The following FANCA variants were observed in gnomAD, a reference collection of about 807,000 sequenced individuals.
FANCA encodes the protein Fanconi anemia group A protein.
In FANCA, 236 loss-of-function variants were observed where a neutral mutation model predicts 194.3. The ratio of observed to expected loss-of-function variants is 1.21; its 90% confidence interval spans 1.09 to 1.35. The LOEUF (loss-of-function observed/expected upper bound fraction) is 1.35, where lower values mean the gene tolerates loss of function less well. Ranked by LOEUF, FANCA falls within the 40% of genes most tolerant of loss-of-function variation. The pLI is 0.00. For missense variants in FANCA, 2,628 were observed against 1,813.9 expected, an observed-to-expected ratio of 1.45 and a Z score of -8.15; for synonymous variants, 1,014 against 715.8, an observed-to-expected ratio of 1.42 and a Z score of -6.65.
intron 26 of FANCA, among the ~76,000 whole-genome samples, chr16:89,769,295 G>A (rs1340499329): frequency 3.3e-5 from 5 of 152,236 alleles, no homozygotes; most frequent in Admixed American, 3.3e-4. Flanking sequence ...CCTCTGAGTG[G>A]CAGCTGAAGG....
At chr16:89,792,173 C>A (rs2040098858) in intron 12 of FANCA, 105 bp from the exon 13 acceptor site, 2 of 1,338,182 alleles carry the variant, frequency 1.5e-6, no homozygotes, top group Non-Finnish European at 2.1e-6. Context: ...CCCCTCACTT[C>A]CCACTGCAAA....
chr16:89,781,237 GCCTGTAGTCCCA>G (rs2039689784), intron 17 of FANCA, among the ~76,000 whole-genome samples: 1 of 151,078 alleles, frequency 6.6e-6, no homozygotes, highest in Non-Finnish European at 1.5e-5. Flanking sequence ...GGTGGCGGGT[GCCTGTAGTCCCA>G]GCTACTCGGG....
At chr16:89,771,956 C>A in intron 22 of FANCA, 142 bp from the exon 23 acceptor site, 1 of 1,009,948 alleles carries the variant, frequency 9.9e-7, no homozygotes, top group South Asian at 1.4e-5. Context: ...GTGCTGAACA[C>A]CAGTGTTTGT....
At chr16:89,779,360 C>T (rs1474762496) in intron 18 of FANCA, among the ~76,000 whole-genome samples, 1 of 152,116 alleles carries the variant, frequency 6.6e-6, no homozygotes, top group Non-Finnish European at 1.5e-5. Context: ...GTGTAACCAC[C>T]AGAATTCAAG....
At chr16:89,810,482 C>T (rs1165760747) in intron 5 of FANCA, 1 of 545,562 alleles carries the variant, frequency 1.8e-6, no homozygotes, top group Non-Finnish European at 3.3e-6. Flanking sequence ...ATATTCTAGT[C>T]TAATAAATAT....
In FANCA at chr16:89,796,001, C is replaced by A. The variant is rs745451374; in HGVS notation, c.911G>T (p.Gly304Val). 2 of 1,613,946 alleles carry A rather than the reference C, an allele frequency of 1.2e-6. No homozygotes were observed. The highest frequency in any genetic ancestry group is 1.7e-6 in the Non-Finnish European group (2 of 1,179,832). The change falls in exon 11 of 43, where the codon GGA (glycine) becomes GTA (valine). Residue 304 changes from glycine to valine, a missense_variant. Coordinates refer to ENST00000389301, the MANE Select transcript of FANCA (RefSeq NM_000135.4). ...IVRCWFGVFSGHTLGSVISTD... is the reference protein window; with the variant it reads ...IVRCWFGVFSVHTLGSVISTD... The stretch of plus-strand genomic sequence containing the variant: ...GGAAATTACACTGCCAAGCGTGTGT[C>A]CACTGAACACTCCGAACCTGCCAAT...
chr16:89,748,624 C>T (rs781356893), intron 33 of FANCA, 35 bp downstream of exon 33: 7 of 1,522,984 alleles, frequency 4.6e-6, no homozygotes, highest in South Asian at 1.1e-5. Context: ...CAGGCACTGA[C>T]AGATCGGACG....
chr16:89,775,772 C>G lies in FANCA; in HGVS notation c.1870G>C (p.Ala624Pro). 1.2e-6 allele frequency: 2 copies of G among 1,612,854 alleles called. No individual in the cohort carries two copies. The highest frequency in any genetic ancestry group is 1.7e-6 in the Non-Finnish European group (2 of 1,179,448). ...PPSLYSTYCQ[A>P]CSAAEEKPED... ...GGCTTCTCTTCAGCAGCAGAGCAGGCCTGGCAGTAGGTGGAGTACAGAGAT... is the reference window on the plus strand; with the variant it reads ...GGCTTCTCTTCAGCAGCAGAGCAGGGCTGGCAGTAGGTGGAGTACAGAGAT... The change falls in exon 21 of 43, where the codon GCC becomes CCC. Residue 624 changes from alanine to proline, a missense_variant. Physicochemically the swap from Ala to Pro is conservative, Grantham distance 27. Transcript: ENST00000389301.
chr16:89,754,435 T>C (rs1294240897), intron 30 of FANCA, among the ~76,000 whole-genome samples: 10 of 152,104 alleles, frequency 6.6e-5, no homozygotes, highest in Admixed American at 6.5e-4. Flanking sequence ...TGCAGTGGCA[T>C]GATCTCAACT....
chr16:89,795,800 A>C, intron 11 of FANCA, 106 bp downstream of exon 11: 3 of 809,302 alleles, frequency 3.7e-6, no homozygotes, highest in Non-Finnish European at 6.6e-6. Flanking sequence ...CAGACGTAAA[A>C]GAGGTCCTAG....
chr16:89,776,521 G>A (rs550925220), intron 20 of FANCA, among the ~76,000 whole-genome samples: 1 of 151,530 alleles, frequency 6.6e-6, no homozygotes, highest in Non-Finnish European at 1.5e-5. Flanking sequence ...CGTTTAGTTC[G>A]TGTCATTAAA....
intron 10 of FANCA, among the ~76,000 whole-genome samples, chr16:89,796,369 G>A (rs566443590): frequency 5.3e-5 from 8 of 152,248 alleles, no homozygotes; most frequent in African/African-American, 1.7e-4. Context: ...CCAACCCGAC[G>A]GGGCCTCAGC....
At position 89,795,946 on chromosome 16, in the gene FANCA, A is replaced by G. The variant is rs769308540; in HGVS notation, c.966T>C (p.His322=). 6.2e-7 allele frequency: 1 copy of G among 1,614,134 alleles called. No individual in the cohort carries two copies. Among genetic ancestry groups the G allele is most frequent in the Non-Finnish European group, 8.5e-7 (1 of 1,179,974 alleles). The stretch of plus-strand genomic sequence containing the variant: ...TGTGAGTGAGTATCTGAGTCAGGGT[A>G]TGACTGAAGAACCTCTTCAGAGGAT... The part of the protein sequence containing the change: ...STDPLKRFFS[H]TLTQILTHSP... Residue 322 remains histidine, a synonymous_variant, in exon 11 of 43, where the codon CAT becomes CAC. Transcript: ENST00000389301.
chr16:89,755,237 C>A (rs1363531072), intron 30 of FANCA, among the ~76,000 whole-genome samples: 4 of 149,612 alleles, frequency 2.7e-5, no homozygotes, highest in African/African-American at 4.9e-5. Flanking sequence ...TTGAGACAGT[C>A]TCTCACTCTG....
At chr16:89,810,029 A>G (rs2040815868) in intron 5 of FANCA, among the ~76,000 whole-genome samples, 1 of 151,052 alleles carries the variant, frequency 6.6e-6, no homozygotes, top group South Asian at 2.1e-4. Context: ...CTGTCTCAAA[A>G]ATAAAAATAA....
chr16:89,774,787 AG>A (rs2039445075), intron 21 of FANCA, among the ~76,000 whole-genome samples: 1 of 141,162 alleles, frequency 7.1e-6, no homozygotes. Context: ...TGCAGGTGGA[AG>A]GGGATCTAGA....
intron 29 of FANCA, among the ~76,000 whole-genome samples, chr16:89,759,357 G>T: frequency 9.5e-6 from 1 of 104,994 alleles, no homozygotes; most frequent in African/African-American, 3.3e-5. Flanking sequence ...AAAGTAGCCT[G>T]GAAAGTCACC....
intron 14 of FANCA, among the ~76,000 whole-genome samples, chr16:89,790,232 T>C (rs1173599343): frequency 2.0e-5 from 3 of 151,340 alleles, no homozygotes; most frequent in Non-Finnish European, 2.9e-5. Context: ...TGAAACCCTG[T>C]CTCTACTAAA....
chr16:89,758,498 A>G lies in FANCA; in HGVS notation c.2981+79T>C. 3.8e-6 allele frequency: 6 copies of G among 1,561,396 alleles called. No homozygotes were observed. In the South Asian group the frequency reaches 6.7e-5, roughly 17 times the overall value. ...CTAAGCTAATTAGATGGGCACCAGC[A>G]TGGCCAGAAACTCCCCTTTATATAT... is the stretch of plus-strand genomic sequence containing the variant. On this transcript the variant is annotated intron_variant, in intron 30 of 42. Transcript: ENST00000389301.
Sources: allele counts gnomAD v4.1 joint callset (sites outside exome capture counted in the v4.1 genomes callset), GRCh38; gene constraint gnomAD v4.1.1; transcripts MANE v1.5; gene names NCBI Gene and HGNC (gene_info 2026-07-23, HGNC 2026-07-21).